MAP3K4: variants seen among roughly 807,000 people sequenced by gnomAD.
The protein encoded by MAP3K4 is MAP three kinase 1.
In MAP3K4, 67 loss-of-function variants were observed where a neutral mutation model predicts 185.6. The ratio of observed to expected loss-of-function variants is 0.36; its 90% CI spans 0.30 to 0.44. The LOEUF (loss-of-function observed/expected upper bound fraction) is 0.44, where lower values mean the gene tolerates loss of function less well. Ranked by LOEUF, MAP3K4 falls within the 20% of genes least tolerant of loss-of-function variation. The pLI, the probability that MAP3K4 is intolerant of heterozygous loss-of-function variation, is 1.00. For synonymous variants in MAP3K4, 702 were observed against 710.4 expected, an observed-to-expected ratio of 0.99 and a Z score of 0.19; for missense variants, 1,551 against 1,995.1, an observed-to-expected ratio of 0.78 and a Z score of 4.24.
intron 1 of MAP3K4, among the ~76,000 whole-genome samples, chr6:161,001,220 AT>A (rs1402670973): frequency 2.7e-5 from 4 of 150,706 alleles, no homozygotes; most frequent in Admixed American, 1.3e-4. Context: ...TTTACAAAAA[AT>A]ATTTACAAAA....
At chr6:161,011,157 A>G (rs563877491) in intron 1 of MAP3K4, among the ~76,000 whole-genome samples, 10 of 152,328 alleles carry the variant, frequency 6.6e-5, no homozygotes, top group Admixed American at 3.9e-4. Context: ...CATTGTCCTA[A>G]TAGGCCCATG....
chr6:161,086,173 T>A lies in MAP3K4; in HGVS notation c.2373-206T>A, dbSNP rs1018031753. On this transcript the variant is annotated intron_variant, in intron 7 of 26. Transcript: ENST00000392142. This position sits in a 1 kb window ranked among gnomAD's most constrained non-coding sequence, Gnocchi z 4.8. Reference sequence around the variant, plus strand: ...ATGTGCCCTGCTTACATTGAAAGGATATGAATATTTTCTACAAAACTGTCA... The same window carrying A: ...ATGTGCCCTGCTTACATTGAAAGGAAATGAATATTTTCTACAAAACTGTCA... Among the ~76,000 whole-genome samples the A allele has an allele frequency of 2.6e-5, 4 of 152,266 alleles. No homozygotes were observed. The highest frequency in any genetic ancestry group is 4.4e-5 in the Non-Finnish European group (3 of 68,046).
Position 161,091,572 on chromosome 6 carries a change from A to C in MAP3K4, c.3135+32A>C. On this transcript the variant is annotated intron_variant, in intron 12 of 26. Transcript: ENST00000392142. This position sits in a 1 kb window ranked among gnomAD's most constrained non-coding sequence, Gnocchi z 5.5. The stretch of plus-strand genomic sequence containing the variant: ...TCAAAATAAGAGGAAACACGGTACA[A>C]TTTAGTAATTGCTTGATAACTTACA... 1 of 1,582,594 alleles carries C rather than the reference A, an allele frequency of 6.3e-7. No homozygotes were observed. Among genetic ancestry groups the C allele is most frequent in the Non-Finnish European group, 8.6e-7 (1 of 1,163,280 alleles).
chr6:161,112,077 C>T lies in MAP3K4; in HGVS notation c.4519+119C>T, dbSNP rs542194326. 22 of 1,344,470 alleles carry T rather than the reference C, an allele frequency of 1.6e-5. No individual in the cohort carries two copies. The highest frequency in any genetic ancestry group is 8.0e-5 in the South Asian group (5 of 62,136). The allele number at this position is 1,344,470 out of a possible 1,614,324, so 83.3% of individuals were successfully genotyped here. A position where few individuals can be genotyped will look rare whatever the true frequency, so the allele number is the denominator to read the frequency against. On this transcript the variant is annotated intron_variant, in intron 24 of 26. Coordinates refer to ENST00000392142, the MANE Select transcript of MAP3K4 (RefSeq NM_005922.4). The surrounding 1 kb of genome is among the most constrained non-coding windows in gnomAD (Gnocchi z 5.1). ...GGGAGAGCAGGTAAAGGTTTTCAGT[C>T]GTGAGAAGGACCACTTCCTCACACA...
intron 13 of MAP3K4, among the ~76,000 whole-genome samples, chr6:161,092,519 A>G (rs1229004097): frequency 2.0e-5 from 3 of 152,164 alleles, no homozygotes; most frequent in African/African-American, 4.8e-5. Flanking sequence ...TAAAGTAAAC[A>G]TAGTTATTAA....
chr6:161,045,146 G>A (rs1233097781), intron 2 of MAP3K4, among the ~76,000 whole-genome samples: 1 of 152,042 alleles, frequency 6.6e-6, no homozygotes, highest in Non-Finnish European at 1.5e-5. Context: ...AGTTCGAATT[G>A]CGTCATTATT....
Position 161,051,444 on chromosome 6 carries a change from C to T in MAP3K4, c.1707+1465C>T, listed in dbSNP as rs1245528107. ...AAGATGTTTACAACATGAACCAGTG[C>T]TTTGTAGCTATATTTTAAGAGATTT... On this transcript the variant is annotated intron_variant, in intron 3 of 26. Coordinates refer to ENST00000392142, the MANE Select transcript of MAP3K4 (RefSeq NM_005922.4). The surrounding 1 kb of genome is among the most constrained non-coding windows in gnomAD (Gnocchi z 4.2). Among the ~76,000 whole-genome samples the T allele has an allele frequency of 6.6e-6, 1 of 152,116 alleles. No individual in the cohort carries two copies. Among genetic ancestry groups the T allele is most frequent in the Non-Finnish European group, 1.5e-5 (1 of 68,032 alleles).
At position 161,071,883 on chromosome 6, in the gene MAP3K4, C is replaced by T. The variant is rs1202603716; in HGVS notation, c.1950+1033C>T. Among the ~76,000 whole-genome samples, 4 of 152,188 alleles carry T rather than the reference C, an allele frequency of 2.6e-5. No homozygotes were observed. Among genetic ancestry groups the T allele is most frequent in the African/African-American group, 7.2e-5 (3 of 41,452 alleles). On this transcript the variant is annotated intron_variant, in intron 4 of 26. Transcript: ENST00000392142. The surrounding 1 kb of genome is among the most constrained non-coding windows in gnomAD (Gnocchi z 4.6). ...TCTAGGACATTTTGGGAAAATACTTCTCAGCTTCCTTCTTTATGAAAGAAA... is the reference window on the plus strand; with the variant it reads ...TCTAGGACATTTTGGGAAAATACTTTTCAGCTTCCTTCTTTATGAAAGAAA...
rs907543131 is a variant in MAP3K4 at position 161,091,033 on chromosome 6, AC to A, written c.2974-345del. ...GAGGAGGTCATCTAGAAGTACATGG[AC>A]TTTTTCACTCTGTGGAATTGCACCC... On this transcript the variant is annotated intron_variant, in intron 11 of 26. Coordinates refer to ENST00000392142, the MANE Select transcript of MAP3K4 (RefSeq NM_005922.4). This position sits in a 1 kb window ranked among gnomAD's most constrained non-coding sequence, Gnocchi z 5.5. 6.6e-6 allele frequency among the ~76,000 whole-genome samples: 1 copy of A among 152,188 alleles called. No homozygotes were observed. Among genetic ancestry groups the A allele is most frequent in the Non-Finnish European group, 1.5e-5 (1 of 68,036 alleles).
rs752800417 is a variant in MAP3K4 at position 161,084,588 on chromosome 6, G to A, written c.2343G>A (p.Ala781=). ...QESCAEFWTS[A]DDSSASDEIR... Reference sequence around the variant, plus strand: ...GCTGTGCTGAATTTTGGACTAGTGCGGATGACAGCAGTGCTTCCGACGAAA... The same window carrying A: ...GCTGTGCTGAATTTTGGACTAGTGCAGATGACAGCAGTGCTTCCGACGAAA... Residue 781 remains alanine, a synonymous_variant, in exon 7 of 27, where the codon GCG becomes GCA. Transcript: ENST00000392142. This position sits in a 1 kb window ranked among gnomAD's most constrained non-coding sequence, Gnocchi z 4.6. 54 of 1,610,216 alleles carry A rather than the reference G, an allele frequency of 3.4e-5. No homozygotes were observed. Among genetic ancestry groups the A allele is most frequent in the Admixed American group, 5.0e-5 (3 of 59,976 alleles).
rs1785417552 is a variant in MAP3K4, at chr6:161,080,825, C to T, written c.2098-56C>T. The T allele has an allele frequency of 3.9e-6, 6 of 1,519,940 alleles. No homozygotes were observed. The highest frequency in any genetic ancestry group is 3.5e-5 in the South Asian group (3 of 85,770). The allele number at this position is 1,519,940 out of a possible 1,614,324, so 94.2% of individuals were successfully genotyped here. A position where few individuals can be genotyped will look rare whatever the true frequency, so the allele number is the denominator to read the frequency against. ...CTGATGTGTAGCTTTCAGGTGAGAG[C>T]GCTGAGTTGCCAAGTTCTACTTTCA... On this transcript the variant is annotated intron_variant, in intron 5 of 26. Coordinates refer to ENST00000392142, the MANE Select transcript of MAP3K4 (RefSeq NM_005922.4). This position sits in a 1 kb window ranked among gnomAD's most constrained non-coding sequence, Gnocchi z 4.8.
chr6:161,060,569 T>C (rs1784438049), intron 3 of MAP3K4, among the ~76,000 whole-genome samples: 1 of 152,076 alleles, frequency 6.6e-6, no homozygotes, highest in South Asian at 2.1e-4. Flanking sequence ...TAGGCTGACA[T>C]TGTATATCTG....
In MAP3K4 at chr6:161,110,026, A is replaced by G; in HGVS notation, c.4396+112A>G. The G allele has an allele frequency of 1.7e-6, 2 of 1,146,968 alleles. No individual in the cohort carries two copies. Among genetic ancestry groups the G allele is most frequent in the Non-Finnish European group, 2.5e-6 (2 of 791,486 alleles). The allele number at this position is 1,146,968 out of a possible 1,614,324, so 71.0% of individuals were successfully genotyped here. A position where few individuals can be genotyped will look rare whatever the true frequency, so the allele number is the denominator to read the frequency against. ...CCACATATGATTTCTCTAGATGGAAATACCTTTCATTGAAATACGCCTCTA... is the reference window on the plus strand; with the variant it reads ...CCACATATGATTTCTCTAGATGGAAGTACCTTTCATTGAAATACGCCTCTA... On this transcript the variant is annotated intron_variant, in intron 23 of 26. Transcript: ENST00000392142. This position sits in a 1 kb window ranked among gnomAD's most constrained non-coding sequence, Gnocchi z 4.8.
rs144533292 is a variant in MAP3K4 at position 161,037,971 on chromosome 6, A to ATT, written c.343+3529_343+3530dup. Among the ~76,000 whole-genome samples the ATT allele has an allele frequency of 6.6e-6, 1 of 151,676 alleles. No individual in the cohort carries two copies. The highest frequency in any genetic ancestry group is 2.4e-5 in the African/African-American group (1 of 41,222). ...TCTCACTACATAATGCTGCTAGTAC[A>ATT]TTTTTTTTGTTACTGTTGCTGTTGC... is the stretch of plus-strand genomic sequence containing the variant. On this transcript the variant is annotated intron_variant, in intron 2 of 26. Transcript: ENST00000392142. This position sits in a 1 kb window ranked among gnomAD's most constrained non-coding sequence, Gnocchi z 4.2.
Position 161,022,351 on chromosome 6 carries a change from G to T in MAP3K4, c.153-11908G>T, listed in dbSNP as rs1427551513. 1 of 152,230 alleles carries T rather than the reference G, an allele frequency of 6.6e-6. No homozygotes were observed. The highest frequency in any genetic ancestry group is 1.9e-4 in the East Asian group (1 of 5,202). The allele number at this position is 152,230 out of a possible 1,614,324, so 9.4% of individuals were successfully genotyped here. On this transcript the variant is annotated intron_variant, in intron 1 of 26. Transcript: ENST00000392142. This position sits in a 1 kb window ranked among gnomAD's most constrained non-coding sequence, Gnocchi z 4.2. ...TCTCATTTAACTTGTAGCCAAGCTA[G>T]GTCTCCCTGGAGCTGAATTTAGATG...
intron 1 of MAP3K4, among the ~76,000 whole-genome samples, chr6:160,998,282 A>G (rs1384488666): frequency 6.6e-6 from 1 of 152,200 alleles, no homozygotes; most frequent in East Asian, 1.9e-4. Flanking sequence ...TAAAACCCTA[A>G]TACTCAGTGT....
At chr6:161,089,857 T>TG (rs1350819953) in intron 11 of MAP3K4, among the ~76,000 whole-genome samples, 1 of 152,242 alleles carries the variant, frequency 6.6e-6, no homozygotes, top group Non-Finnish European at 1.5e-5. Flanking sequence ...GAAGATTTAT[T>TG]TATTGTTTTG....
chr6:161,032,158 A>G (rs1456847824), intron 1 of MAP3K4, among the ~76,000 whole-genome samples: 2 of 152,236 alleles, frequency 1.3e-5, no homozygotes, highest in African/African-American at 4.8e-5. Context: ...TAAGTATATT[A>G]AGTGTGGAAA....
At chr6:161,031,269 C>T (rs1458008702) in intron 1 of MAP3K4, among the ~76,000 whole-genome samples, 1 of 152,130 alleles carries the variant, frequency 6.6e-6, no homozygotes, top group African/African-American at 2.4e-5. Flanking sequence ...AGGATTTATT[C>T]TTGTACTTTT....
Sources: allele counts gnomAD v4.1 joint callset (sites outside exome capture counted in the v4.1 genomes callset), GRCh38; gene constraint gnomAD v4.1.1; non-coding constraint Gnocchi (gnomAD v3.1); transcripts MANE v1.5; gene names NCBI Gene and HGNC (gene_info 2026-07-23, HGNC 2026-07-21).